Variants in AGAP1 observed in about 807,000 individuals in gnomAD.
AGAP1 encodes arf-GAP with GTPase, ANK repeat and PH domain-containing protein 1.
A neutral mutation model predicts 105.3 loss-of-function variants in AGAP1; 29 were observed. The ratio of observed to expected loss-of-function variants is 0.28; its 90% CI spans 0.21 to 0.38. The LOEUF (loss-of-function observed/expected upper bound fraction) is 0.38. Ranked by LOEUF, AGAP1 falls within the 10% of genes least tolerant of loss-of-function variation. The pLI, the probability that AGAP1 is intolerant of heterozygous loss-of-function variation, is 1.00. For synonymous variants in AGAP1, 509 were observed against 485.9 expected, an observed-to-expected ratio of 1.05 and a Z score of -0.63; for missense variants, 998 against 1,165.1, an observed-to-expected ratio of 0.86 and a Z score of 2.09.
In AGAP1 at chr2:236,109,561, C is replaced by T. The variant is rs1038047334; in HGVS notation, c.2115-10631C>T. On this transcript the variant is annotated intron_variant, in intron 16 of 17. Transcript: ENST00000304032. The surrounding 1 kb of genome is among the most constrained non-coding windows in gnomAD (Gnocchi z 5.4). ...GCAGCCTTGGAAATGTCCTAGTCAG[C>T]GGCAGCGTCGGTGCTCTGGACCGGC... is the stretch of plus-strand genomic sequence containing the variant. Among the ~76,000 whole-genome samples the T allele has an allele frequency of 3.3e-5, 5 of 152,122 alleles. No homozygotes were observed. The highest frequency in any genetic ancestry group is 7.3e-5 in the Non-Finnish European group (5 of 68,036).
intron 1 of AGAP1, among the ~76,000 whole-genome samples, chr2:235,658,502 C>T (rs183849868): frequency 7.9e-5 from 12 of 152,094 alleles, no homozygotes; most frequent in Admixed American, 5.2e-4. Context: ...TGCAGCCTCC[C>T]GGGGGTCGAG....
chr2:235,786,099 T>C (rs559635863), intron 6 of AGAP1, among the ~76,000 whole-genome samples: 8 of 152,336 alleles, frequency 5.3e-5, no homozygotes, highest in African/African-American at 1.9e-4. Flanking sequence ...AAGTGACAGG[T>C]TCATCTTTCC....
At chr2:235,686,645 AGATATATATATATATATATATTT>A (rs1949442397) in intron 1 of AGAP1, among the ~76,000 whole-genome samples, 6 of 24,234 alleles carry the variant, frequency 2.5e-4, no homozygotes, top group African/African-American at 1.6e-3. Flanking sequence ...ATATATATAT[AGATATATATATATATATATATTT>A]TTTTTTTTTT....
Position 235,883,323 on chromosome 2 carries a change from T to C in AGAP1, c.1051-22T>C. 1 of 1,603,482 alleles carries C rather than the reference T, an allele frequency of 6.2e-7. No individual in the cohort carries two copies. On this transcript the variant is annotated intron_variant, in intron 9 of 17. Coordinates refer to ENST00000304032, the MANE Select transcript of AGAP1 (RefSeq NM_001037131.3). The surrounding 1 kb of genome is among the most constrained non-coding windows in gnomAD (Gnocchi z 4.5). ...TTTTTTATTTACATTAGAATTTCTA[T>C]TTGGCTCTTTTTCCCTTGTAGGGCA...
rs1951129724 is a variant in AGAP1 at position 235,716,802 on chromosome 2, A to G, written c.223-755A>G. ...AGGTGTGTCTCCTGTGTCAACAGGG[A>G]GGCTTCCTGTGAAGAATCCCCTGGA... On this transcript the variant is annotated intron_variant, in intron 2 of 17. Transcript: ENST00000304032. The surrounding 1 kb of genome is among the most constrained non-coding windows in gnomAD (Gnocchi z 4.0). Among the ~76,000 whole-genome samples, 1 of 151,950 alleles carries G rather than the reference A, an allele frequency of 6.6e-6. No individual in the cohort carries two copies. Among genetic ancestry groups the G allele is most frequent in the Admixed American group, 6.6e-5 (1 of 15,258 alleles).
Position 235,906,729 on chromosome 2 carries a change from C to T in AGAP1, c.1156-2009C>T, listed in dbSNP as rs898780365. Among the ~76,000 whole-genome samples the T allele has an allele frequency of 3.9e-5, 6 of 152,198 alleles. No individual in the cohort carries two copies. Among genetic ancestry groups the T allele is most frequent in the African/African-American group, 1.2e-4 (5 of 41,456 alleles). On this transcript the variant is annotated intron_variant, in intron 10 of 17. Coordinates refer to ENST00000304032, the MANE Select transcript of AGAP1 (RefSeq NM_001037131.3). This position sits in a 1 kb window ranked among gnomAD's most constrained non-coding sequence, Gnocchi z 5.3. ...AAAACAGCTCTTCTCATCCTCTGCCCTGAGGACCCACAGTTTCATTCCTTT... is the reference window on the plus strand; with the variant it reads ...AAAACAGCTCTTCTCATCCTCTGCCTTGAGGACCCACAGTTTCATTCCTTT...
chr2:235,853,113 T>C (rs2048548380), intron 9 of AGAP1: 1 of 1,209,508 alleles, frequency 8.3e-7, no homozygotes, highest in African/African-American at 1.6e-5. Flanking sequence ...TTGAGGAACC[T>C]TTTTTTAAAG....
At position 235,590,680 on chromosome 2, in the gene AGAP1, T is replaced by TGTGTGTGTGC. The variant is rs1553574141; in HGVS notation, c.163+95836_163+95837insTGTGCGTGTG. Among the ~76,000 whole-genome samples, 324 of 116,564 alleles carry TGTGTGTGTGC rather than the reference T, an allele frequency of 2.8e-3. 2 individuals carry two copies. The highest frequency in any genetic ancestry group is 0.01 in the African/African-American group (301 of 28,860). 76.5% of individuals were successfully genotyped at this position (116,564 alleles called of 152,430 possible). A position where few individuals can be genotyped will look rare whatever the true frequency, so the allele number is the denominator to read the frequency against. ...TTTTGTTTTAATGTGTGTGTGTGTGTGTGTGCGTGTGCGTGTGTGTGTGTG... is the reference window on the plus strand; with the variant it reads ...TTTTGTTTTAATGTGTGTGTGTGTGTGTGTGTGTGCGTGTGCGTGTGCGTGTGTGTGTGTG... On this transcript the variant is annotated intron_variant, in intron 1 of 17. Transcript: ENST00000304032.
rs548788931 is a variant in AGAP1, at chr2:235,934,438, C to G, written c.1483+3515C>G. 6.6e-6 allele frequency among the ~76,000 whole-genome samples: 1 copy of G among 152,162 alleles called. No individual in the cohort carries two copies. The highest frequency in any genetic ancestry group is 1.5e-5 in the Non-Finnish European group (1 of 68,032). Reference sequence around the variant, plus strand: ...GCGTCCCTCTGGTTCGCGTCATTCCCCCCTTTAGTGTGCTGCTTCGTCAAG... The same window carrying G: ...GCGTCCCTCTGGTTCGCGTCATTCCGCCCTTTAGTGTGCTGCTTCGTCAAG... On this transcript the variant is annotated intron_variant, in intron 12 of 17. Transcript: ENST00000304032. The surrounding 1 kb of genome is among the most constrained non-coding windows in gnomAD (Gnocchi z 4.9).
At chr2:235,986,368 T>C (rs2055313463) in intron 13 of AGAP1, among the ~76,000 whole-genome samples, 2 of 152,180 alleles carry the variant, frequency 1.3e-5, no homozygotes, top group South Asian at 4.1e-4. Context: ...AAGGAGTTTT[T>C]AGGCTGAGAT....
At position 235,662,039 on chromosome 2, in the gene AGAP1, G is replaced by A. The variant is rs1279721408; in HGVS notation, c.164-47140G>A. ...GCAGTGTTATCCTGGGTGAGTTGGGGTATGGCCATAGGAGGGGGCTCCAGG... is the reference window on the plus strand; with the variant it reads ...GCAGTGTTATCCTGGGTGAGTTGGGATATGGCCATAGGAGGGGGCTCCAGG... On this transcript the variant is annotated intron_variant, in intron 1 of 17. Transcript: ENST00000304032. This position sits in a 1 kb window ranked among gnomAD's most constrained non-coding sequence, Gnocchi z 4.2. Among the ~76,000 whole-genome samples the A allele has an allele frequency of 6.6e-6, 1 of 152,174 alleles. No homozygotes were observed. Among genetic ancestry groups the A allele is most frequent in the African/African-American group, 2.4e-5 (1 of 41,450 alleles).
intron 1 of AGAP1, among the ~76,000 whole-genome samples, chr2:235,521,752 G>A (rs1283461750): frequency 6.9e-4 from 98 of 141,376 alleles, no homozygotes; most frequent in African/African-American, 1.1e-3. Context: ...ATGTGTGTGT[G>A]TGTGTGTGTG....
At position 235,830,691 on chromosome 2, in the gene AGAP1, G is replaced by A. The variant is rs191282480; in HGVS notation, c.1050+23360G>A. On this transcript the variant is annotated intron_variant, in intron 9 of 17. Coordinates refer to ENST00000304032, the MANE Select transcript of AGAP1 (RefSeq NM_001037131.3). This position sits in a 1 kb window ranked among gnomAD's most constrained non-coding sequence, Gnocchi z 5.5. ...TCTAGGCCAGCCCAGGACGGTGTGC[G>A]GCCCCAAGCCACTAACACAGCACTC... Among the ~76,000 whole-genome samples, 967 of 152,232 alleles carry A rather than the reference G, an allele frequency of 6.4e-3. 5 individuals are homozygous for A. Among genetic ancestry groups the A allele is most frequent in the Middle Eastern group, 0.014 (4 of 294 alleles).
In AGAP1 at chr2:235,733,464, A is replaced by C. The variant is rs1207370115; in HGVS notation, c.311-7499A>C. Among the ~76,000 whole-genome samples, 2 of 152,160 alleles carry C rather than the reference A, an allele frequency of 1.3e-5. No individual in the cohort carries two copies. Among genetic ancestry groups the C allele is most frequent in the African/African-American group, 4.8e-5 (2 of 41,418 alleles). On this transcript the variant is annotated intron_variant, in intron 3 of 17. Transcript: ENST00000304032. This position sits in a 1 kb window ranked among gnomAD's most constrained non-coding sequence, Gnocchi z 5.0. ...TTAGAGCCTGCGTTTTTTGAGGTTTATTATGTAAAGCCGTGCCCCTTTTCC... is the reference window on the plus strand; with the variant it reads ...TTAGAGCCTGCGTTTTTTGAGGTTTCTTATGTAAAGCCGTGCCCCTTTTCC...
At chr2:235,564,925 C>T (rs2149144978) in intron 1 of AGAP1, among the ~76,000 whole-genome samples, 1 of 150,854 alleles carries the variant, frequency 6.6e-6, no homozygotes, top group African/African-American at 2.4e-5. Context: ...GCCTGAACCA[C>T]CACTCACGGC....
At chr2:235,514,633 G>C (rs1439150174) in intron 1 of AGAP1, among the ~76,000 whole-genome samples, 1 of 152,264 alleles carries the variant, frequency 6.6e-6, no homozygotes, top group Non-Finnish European at 1.5e-5. Context: ...CAGGAGTCCT[G>C]CTTCCCCAAG....
chr2:235,855,674 C>G lies in AGAP1; in HGVS notation c.1051-27671C>G, dbSNP rs944600270. Among the ~76,000 whole-genome samples, 1 of 152,082 alleles carries G rather than the reference C, an allele frequency of 6.6e-6. No individual in the cohort carries two copies. The highest frequency in any genetic ancestry group is 2.4e-5 in the African/African-American group (1 of 41,418). On this transcript the variant is annotated intron_variant, in intron 9 of 17. Coordinates refer to ENST00000304032, the MANE Select transcript of AGAP1 (RefSeq NM_001037131.3). This position sits in a 1 kb window ranked among gnomAD's most constrained non-coding sequence, Gnocchi z 5.0. ...CTTATCTCCACTGTGCTGGGAAGAC[C>G]GAGAGGCTGAGCAGCAGCTCCACTG... is the stretch of plus-strand genomic sequence containing the variant.
rs544166574 is a variant in AGAP1, at chr2:235,755,356, A to G, written c.673+4868A>G. On this transcript the variant is annotated intron_variant, in intron 6 of 17. Transcript: ENST00000304032. Reference sequence around the variant, plus strand: ...AAAGTCCCTGTTGATTTGTTCTCCTAGGGCCTGGATACATGAACATGAAGG... The same window carrying G: ...AAAGTCCCTGTTGATTTGTTCTCCTGGGGCCTGGATACATGAACATGAAGG... Among the ~76,000 whole-genome samples, 920 of 152,270 alleles carry G rather than the reference A, an allele frequency of 6.0e-3. 2 individuals carry two copies. The highest frequency in any genetic ancestry group is 0.014 in the Middle Eastern group (4 of 294).
chr2:235,509,836 AG>A (rs995532307), intron 1 of AGAP1, among the ~76,000 whole-genome samples: 2 of 152,176 alleles, frequency 1.3e-5, no homozygotes, highest in African/African-American at 4.8e-5. Flanking sequence ...GCCACACAGC[AG>A]GAGGTGAGTG....
Sources: allele counts gnomAD v4.1 joint callset (sites outside exome capture counted in the v4.1 genomes callset), GRCh38; gene constraint gnomAD v4.1.1; non-coding constraint Gnocchi (gnomAD v3.1); transcripts MANE v1.5; gene names NCBI Gene and HGNC (gene_info 2026-07-23, HGNC 2026-07-21).